GPC5: variants seen among roughly 807,000 people sequenced by gnomAD.
The protein encoded by GPC5 is glypican 5.
Under a neutral mutation model 53.9 loss-of-function variants are expected in GPC5, and 47 were observed. The observed-to-expected ratio is 0.87, with a 90% CI of 0.69 to 1.11. The LOEUF is 1.11. Among genes scored for constraint, GPC5 ranks in the 50% most tolerant of loss-of-function variants. The pLI, the probability that GPC5 is intolerant of heterozygous loss-of-function variation, is 0.00. For missense variants in GPC5, 748 were observed against 713.1 expected (o/e 1.05, Z -0.56); for synonymous variants, 286 against 263.3 (o/e 1.09, Z -0.84).
intron 5 of GPC5, among the ~76,000 whole-genome samples, chr13:91,892,285 T>C (rs2039394934): frequency 6.6e-6 from 1 of 151,910 alleles, no homozygotes; most frequent in Non-Finnish European, 1.5e-5. Flanking sequence ...TTTTCAACTC[T>C]TCTTACCAAA....
chr13:92,381,123 C>A (rs1926614), intron 7 of GPC5, among the ~76,000 whole-genome samples: 72,834 of 151,888 alleles, frequency 0.48, 17,665 homozygotes, highest in East Asian at 0.55. Flanking sequence ...GAGTAAATCA[C>A]TGTAGGGCTA....
chr13:92,251,940 C>A (rs1409595823), intron 7 of GPC5, among the ~76,000 whole-genome samples: 1 of 152,102 alleles, frequency 6.6e-6, no homozygotes, highest in African/African-American at 2.4e-5. Context: ...TAGTTAGAAG[C>A]AGAAAGAACA....
chr13:91,688,566 C>T (rs1231262222), intron 2 of GPC5, among the ~76,000 whole-genome samples: 2 of 152,008 alleles, frequency 1.3e-5, no homozygotes, highest in African/African-American at 2.4e-5. Flanking sequence ...TTACTTAAAT[C>T]AAATCTATTT....
chr13:91,446,380 T>C (rs1162515905), intron 1 of GPC5, among the ~76,000 whole-genome samples: 1 of 152,204 alleles, frequency 6.6e-6, no homozygotes, highest in Non-Finnish European at 1.5e-5. Flanking sequence ...ATTACTGTTT[T>C]ATTTTTGGTT....
intron 7 of GPC5, among the ~76,000 whole-genome samples, chr13:92,160,158 C>T (rs1305974599): frequency 6.6e-6 from 1 of 152,164 alleles, no homozygotes; most frequent in Non-Finnish European, 1.5e-5. Context: ...GATCCACTTG[C>T]CTCAGCCTCC....
At chr13:92,320,967 A>C (rs2043211727) in intron 7 of GPC5, among the ~76,000 whole-genome samples, 1 of 152,186 alleles carries the variant, frequency 6.6e-6, no homozygotes. Flanking sequence ...TAAATTTGAA[A>C]TTTAATATGA....
rs371248434 is a variant in GPC5, at chr13:92,344,304, C to T, written c.1561+199315C>T. ...TCCTGAGAACTCACTATCATGAGAACGACATGGGAGTAACCACCCCATGAT... is the reference window on the plus strand; with the variant it reads ...TCCTGAGAACTCACTATCATGAGAATGACATGGGAGTAACCACCCCATGAT... On this transcript the variant is annotated intron_variant, in intron 7 of 7. Coordinates refer to ENST00000377067, the MANE Select transcript of GPC5 (RefSeq NM_004466.6). 1.9e-4 allele frequency among the ~76,000 whole-genome samples: 29 copies of T among 152,120 alleles called. 1 individual carries two copies. In the South Asian group the frequency reaches 5.8e-3, roughly 30 times the overall value.
At chr13:91,432,323 C>G (rs958461999) in intron 1 of GPC5, among the ~76,000 whole-genome samples, 2 of 151,682 alleles carry the variant, frequency 1.3e-5, no homozygotes, top group Non-Finnish European at 2.9e-5. Flanking sequence ...AAATTCATGA[C>G]TTCAAGTTTG....
At chr13:92,798,246 T>C (rs947336338) in intron 7 of GPC5, among the ~76,000 whole-genome samples, 4 of 151,898 alleles carry the variant, frequency 2.6e-5, no homozygotes, top group Non-Finnish European at 5.9e-5. Flanking sequence ...GTAAGACATA[T>C]AGTTTATAAA....
chr13:92,695,142 A>G (rs1247714992), intron 7 of GPC5, among the ~76,000 whole-genome samples: 2 of 152,098 alleles, frequency 1.3e-5, no homozygotes, highest in Non-Finnish European at 2.9e-5. Context: ...AAATTATCCA[A>G]ACTCAGGCAG....
chr13:92,808,305 C>A (rs1877175973), intron 7 of GPC5, among the ~76,000 whole-genome samples: 2 of 152,106 alleles, frequency 1.3e-5, no homozygotes, highest in Non-Finnish European at 2.9e-5. Context: ...CGTATGCACA[C>A]ACACACATAG....
intron 7 of GPC5, among the ~76,000 whole-genome samples, chr13:92,841,360 A>T (rs1398376365): frequency 6.6e-6 from 1 of 152,132 alleles, no homozygotes; most frequent in Non-Finnish European, 1.5e-5. Flanking sequence ...AGCAGAAGTG[A>T]TTTTTTAAAT....
rs983435369 is a variant in GPC5, at chr13:92,786,155, G to T, written c.1562-80127G>T. ...AATGATCACACAAAATCTTTATATT[G>T]CTAAGCCACGGCTCTTTACATTAAG... is the stretch of plus-strand genomic sequence containing the variant. On this transcript the variant is annotated intron_variant, in intron 7 of 7. Transcript: ENST00000377067. Among the ~76,000 whole-genome samples the T allele has an allele frequency of 6.6e-5, 10 of 152,026 alleles. No homozygotes were observed. The East Asian group carries it at 7.8e-4, about 12-fold the overall frequency.
chr13:92,794,920 G>A (rs779627743), intron 7 of GPC5, among the ~76,000 whole-genome samples: 5 of 152,064 alleles, frequency 3.3e-5, no homozygotes, highest in South Asian at 2.1e-4. Context: ...ACATGCTCAC[G>A]TATATGAAGA....
intron 7 of GPC5, among the ~76,000 whole-genome samples, chr13:92,480,448 A>G (rs1472315085): frequency 1.3e-5 from 2 of 152,188 alleles, no homozygotes. Context: ...TTGTGGCTCC[A>G]AGAAAAAGAA....
intron 7 of GPC5, among the ~76,000 whole-genome samples, chr13:92,648,703 G>A (rs993226661): frequency 6.6e-6 from 1 of 152,104 alleles, no homozygotes; most frequent in Non-Finnish European, 1.5e-5. Context: ...CAAAACTCAA[G>A]TTGTTGTTTT....
At chr13:91,503,007 T>C (rs117793290) in intron 2 of GPC5, among the ~76,000 whole-genome samples, 1,561 of 152,182 alleles carry the variant, frequency 0.01, 17 homozygotes, top group Middle Eastern at 0.027. Context: ...TCAATTACAC[T>C]TCAAGCCAAG....
intron 2 of GPC5, 103 bp downstream of exon 2, chr13:91,449,025 A>G: frequency 8.0e-7 from 1 of 1,257,740 alleles, no homozygotes; most frequent in South Asian, 1.5e-5. Context: ...CCTTGTATTT[A>G]CATAATATTC....
chr13:92,502,664 T>C (rs1010920714), intron 7 of GPC5, among the ~76,000 whole-genome samples: 1 of 152,042 alleles, frequency 6.6e-6, no homozygotes, highest in Non-Finnish European at 1.5e-5. Flanking sequence ...TCCCAATGTG[T>C]ATGAACCTAA....
Sources: allele counts gnomAD v4.1 joint callset (sites outside exome capture counted in the v4.1 genomes callset), GRCh38; gene constraint gnomAD v4.1.1; transcripts MANE v1.5; gene names NCBI Gene and HGNC (gene_info 2026-07-23, HGNC 2026-07-21).